The following HIVEP3 variants were observed in gnomAD, a reference collection of about 807,000 sequenced individuals.
HIVEP3 encodes transcription factor HIVEP3.
In HIVEP3, 49 loss-of-function variants were observed where a neutral mutation model predicts 152.8. That is an observed-to-expected ratio of 0.32 (90% CI 0.26 to 0.41). The LOEUF is 0.41. Ranked by LOEUF, HIVEP3 falls within the 10% of genes least tolerant of loss-of-function variation. The probability of loss-of-function intolerance (pLI) is 1.00; values close to 1 mark genes in which losing one functional copy is unlikely to be tolerated. For synonymous variants in HIVEP3, 1,269 were observed against 1,289.0 expected (o/e 0.98, Z 0.33); for missense variants, 2,790 against 3,103.3 (o/e 0.90, Z 2.40).
At chr1:41,940,218 T>A (rs567692952) in intron 1 of HIVEP3, among the ~76,000 whole-genome samples, 2 of 152,224 alleles carry the variant, frequency 1.3e-5, no homozygotes, top group African/African-American at 4.8e-5. Context: ...ACAATTGAGC[T>A]GAATTTTAAA....
At chr1:41,957,272 A>G (rs1397879047) in intron 1 of HIVEP3, among the ~76,000 whole-genome samples, 2 of 152,258 alleles carry the variant, frequency 1.3e-5, no homozygotes, top group Admixed American at 1.3e-4. Flanking sequence ...TTTATCAAAT[A>G]AAGTAGAATA....
At chr1:41,861,926 G>C (rs1385521396) in intron 1 of HIVEP3, among the ~76,000 whole-genome samples, 2 of 152,206 alleles carry the variant, frequency 1.3e-5, no homozygotes, top group African/African-American at 4.8e-5. Context: ...GGCAACGGGA[G>C]AGAAAGAAAT....
At chr1:41,931,260 T>C (rs1461374015) in intron 1 of HIVEP3, among the ~76,000 whole-genome samples, 1 of 152,132 alleles carries the variant, frequency 6.6e-6, no homozygotes, top group African/African-American at 2.4e-5. Context: ...CATTTAGATC[T>C]ATGATCTTTT....
At chr1:41,787,447 T>C (rs946518946) in intron 1 of HIVEP3, among the ~76,000 whole-genome samples, 1 of 152,092 alleles carries the variant, frequency 6.6e-6, no homozygotes, top group Non-Finnish European at 1.5e-5. Flanking sequence ...CTACGTATAC[T>C]TACGCCCCTT....
chr1:41,992,314 A>C (rs1336091996), intron 1 of HIVEP3, among the ~76,000 whole-genome samples: 1 of 151,874 alleles, frequency 6.6e-6, no homozygotes, highest in African/African-American at 2.4e-5. Context: ...AGGATACAAA[A>C]TAAATGTACA....
At chr1:41,904,594 C>T (rs1351139452) in intron 1 of HIVEP3, among the ~76,000 whole-genome samples, 1 of 152,180 alleles carries the variant, frequency 6.6e-6, no homozygotes, top group African/African-American at 2.4e-5. Flanking sequence ...ATTTGGAGTT[C>T]CCAGACTCTA....
At chr1:41,790,335 T>C (rs780180256) in intron 1 of HIVEP3, among the ~76,000 whole-genome samples, 6 of 152,164 alleles carry the variant, frequency 3.9e-5, no homozygotes, top group Admixed American at 3.9e-4. Flanking sequence ...CTTTGCCCTC[T>C]ACCATGAGTG....
intron 2 of HIVEP3, among the ~76,000 whole-genome samples, chr1:41,699,420 G>A (rs1646327461): frequency 1.3e-5 from 2 of 152,218 alleles, no homozygotes; most frequent in African/African-American, 4.8e-5. Context: ...TAAAACCATA[G>A]AATTGCCAGC....
intron 2 of HIVEP3, among the ~76,000 whole-genome samples, chr1:41,669,777 T>C (rs1645846893): frequency 6.6e-6 from 1 of 152,226 alleles, no homozygotes; most frequent in African/African-American, 2.4e-5. Flanking sequence ...TCCAGCTTGC[T>C]GACAGCAGAT....
intron 1 of HIVEP3, among the ~76,000 whole-genome samples, chr1:41,755,608 CAAAA>C (rs35879725): frequency 7.0e-6 from 1 of 143,404 alleles, no homozygotes. Flanking sequence ...ACACAGCAGT[CAAAA>C]AAAAAAAAAC....
chr1:41,948,737 TG>T (rs2124489930), intron 1 of HIVEP3, among the ~76,000 whole-genome samples: 1 of 150,950 alleles, frequency 6.6e-6, no homozygotes, highest in Admixed American at 6.5e-5. Context: ...AGCTAACCAG[TG>T]GAAATTACTT....
At chr1:41,554,086 G>A (rs925793444) in intron 5 of HIVEP3, among the ~76,000 whole-genome samples, 1 of 152,196 alleles carries the variant, frequency 6.6e-6, no homozygotes, top group East Asian at 1.9e-4. Context: ...ATATCCTGAA[G>A]AGTGTTTTCC....
Position 41,582,945 on chromosome 1 carries a change from G to A in HIVEP3, c.1853C>T (p.Ser618Leu), listed in dbSNP as rs141888448. 10 of 1,613,890 alleles carry A rather than the reference G, an allele frequency of 6.2e-6. No individual in the cohort carries two copies. Among genetic ancestry groups the A allele is most frequent in the African/African-American group, 5.3e-5 (4 of 74,836 alleles). ...PSSKDTASKP[S>L]DEVEPKESEL... ...GCTTTCCTTGGGTTCCACTTCGTCCGAGGGCTTGGAGGCTGTGTCTTTGCT... is the reference window on the plus strand; with the variant it reads ...GCTTTCCTTGGGTTCCACTTCGTCCAAGGGCTTGGAGGCTGTGTCTTTGCT... The change falls in exon 4 of 9, where the codon TCG becomes TTG. Residue 618 changes from serine (S) to leucine (L), a missense_variant. Physicochemically the swap from Ser to Leu is moderately radical, Grantham distance 145. Coordinates refer to ENST00000372583, the MANE Select transcript of HIVEP3 (RefSeq NM_024503.5). The surrounding 1 kb of genome is among the most constrained non-coding windows in gnomAD (Gnocchi z 4.7).
In HIVEP3 at chr1:41,580,573, A is replaced by T. The variant is rs769812076; in HGVS notation, c.4225T>A (p.Ser1409Thr). 16 of 1,614,086 alleles carry T rather than the reference A, an allele frequency of 9.9e-6. No homozygotes were observed. The highest frequency in any genetic ancestry group is 1.3e-5 in the Non-Finnish European group (15 of 1,180,042). The change falls in exon 4 of 9, where the codon TCC becomes ACC. Residue 1409 changes from serine (S) to threonine (T), a missense_variant. By Grantham distance (58) the Ser-to-Thr change is moderately conservative. This residue lies in a region of HIVEP3 where 1,078 missense variants were observed against 1,165.3 expected (regional missense o/e 0.93). Transcript: ENST00000372583. ...CTCAAGATACTCTCTGATGACAGGG[A>T]AGTGCCTTTTCTTTCAGGTAATGTC... Reference protein sequence around the residue: ...PVTLPERKGTSLSSESILSLE... With the variant: ...PVTLPERKGTTLSSESILSLE...
intron 1 of HIVEP3, among the ~76,000 whole-genome samples, chr1:41,712,879 C>T (rs764108303): frequency 6.6e-6 from 1 of 152,340 alleles, no homozygotes; most frequent in South Asian, 2.1e-4. Context: ...TGGCCAGTTG[C>T]CCATGCTGGC....
At chr1:41,804,482 G>C (rs1342010631) in intron 1 of HIVEP3, among the ~76,000 whole-genome samples, 1 of 152,216 alleles carries the variant, frequency 6.6e-6, no homozygotes, top group Non-Finnish European at 1.5e-5. Context: ...CCACCACCAG[G>C]TGCTCATTCA....
At chr1:41,697,114 G>T (rs1239317652) in intron 2 of HIVEP3, among the ~76,000 whole-genome samples, 1 of 152,182 alleles carries the variant, frequency 6.6e-6, no homozygotes, top group Non-Finnish European at 1.5e-5. Context: ...TTTCACTGAG[G>T]CTGCTGTTGC....
chr1:41,573,630 A>G (rs2149098500), intron 5 of HIVEP3, among the ~76,000 whole-genome samples: 1 of 152,340 alleles, frequency 6.6e-6, no homozygotes, highest in East Asian at 1.9e-4. Context: ...ACCAATGTCC[A>G]TTTTTTGAGC....
chr1:41,602,328 T>C (rs1644760250), intron 3 of HIVEP3, among the ~76,000 whole-genome samples: 1 of 152,196 alleles, frequency 6.6e-6, no homozygotes, highest in Non-Finnish European at 1.5e-5. Context: ...CAATGTTAAA[T>C]CTTTAAAAAA....
Sources: allele counts gnomAD v4.1 joint callset (sites outside exome capture counted in the v4.1 genomes callset), GRCh38; gene constraint gnomAD v4.1.1; regional missense constraint gnomAD v4.1.1; non-coding constraint Gnocchi (gnomAD v3.1); transcripts MANE v1.5; gene names NCBI Gene and HGNC (gene_info 2026-07-23, HGNC 2026-07-21).